Variants in CACNA1C observed in about 807,000 individuals in gnomAD.
The protein encoded by CACNA1C is voltage-dependent L-type calcium channel subunit alpha-1C.
In CACNA1C, 30 loss-of-function variants were observed where a neutral mutation model predicts 229.0. The ratio of observed to expected loss-of-function variants is 0.13; its 90% CI spans 0.10 to 0.18. The LOEUF (loss-of-function observed/expected upper bound fraction) is 0.18, where lower values mean the gene tolerates loss of function less well. CACNA1C is among the 10% of genes least tolerant of loss of function. The probability of loss-of-function intolerance (pLI) is 1.00; values close to 1 mark genes in which losing one functional copy is unlikely to be tolerated. For missense variants in CACNA1C, 1,658 were observed against 2,845.0 expected (o/e 0.58, Z 9.49); for synonymous variants, 1,114 against 1,132.5 (o/e 0.98, Z 0.33).
rs1315466282 is a variant in CACNA1C, at chr12:2,054,040, C to G, written c.49+429C>G. ...GCCCGGCTCGGGGCGCGGCTGGGAG[C>G]GCGCGCGCGCGCACCCTGCGCCGGC... On this transcript the variant is annotated intron_variant, in intron 1 of 46. Coordinates refer to ENST00000399655, the MANE Select transcript of CACNA1C (RefSeq NM_000719.7). This position sits in a 1 kb window ranked among gnomAD's most constrained non-coding sequence, Gnocchi z 5.5. 6.8e-6 allele frequency among the ~76,000 whole-genome samples: 1 copy of G among 146,502 alleles called. No homozygotes were observed. Among genetic ancestry groups the G allele is most frequent in the Non-Finnish European group, 1.5e-5 (1 of 65,920 alleles).
At chr12:2,547,561 G>A (rs2099883830) in intron 9 of CACNA1C, 1 of 777,796 alleles carries the variant, frequency 1.3e-6, no homozygotes, top group Admixed American at 1.7e-5. Flanking sequence ...GTAAATGCGT[G>A]TGGGTGCATA....
At chr12:2,480,252 C>A (rs2099669402) in intron 5 of CACNA1C, among the ~76,000 whole-genome samples, 3 of 152,122 alleles carry the variant, frequency 2.0e-5, no homozygotes, top group Admixed American at 2.0e-4. Context: ...GGCTACGTCG[C>A]AGTCTGGACC....
rs148373851 is a variant in CACNA1C, at chr12:2,474,584, G to A, written c.758-11520G>A. 9.1e-3 allele frequency among the ~76,000 whole-genome samples: 1,388 copies of A among 151,828 alleles called. 18 individuals are homozygous for A. The highest frequency in any genetic ancestry group is 0.031 in the African/African-American group (1,266 of 41,396). On this transcript the variant is annotated intron_variant, in intron 5 of 46. Transcript: ENST00000399655. Reference sequence around the variant, plus strand: ...AGCCTGGCCAACATGGCGAAACCCCGTCTCTACTAAAAATACAAAAACTTA... The same window carrying A: ...AGCCTGGCCAACATGGCGAAACCCCATCTCTACTAAAAATACAAAAACTTA...
intron 26 of CACNA1C, 78 bp downstream of exon 26, chr12:2,607,208 T>A: frequency 6.8e-7 from 1 of 1,465,088 alleles, no homozygotes; most frequent in Non-Finnish European, 9.3e-7. Flanking sequence ...CCCCAAGTTT[T>A]GTTAATGTCC....
At chr12:2,472,010 A>G (rs1444454233) in intron 5 of CACNA1C, among the ~76,000 whole-genome samples, 1 of 152,184 alleles carries the variant, frequency 6.6e-6, no homozygotes, top group Non-Finnish European at 1.5e-5. Flanking sequence ...CCTGCACATA[A>G]TGTTTCTTCC....
chr12:2,509,129 T>C (rs1341466206), intron 8 of CACNA1C, among the ~76,000 whole-genome samples: 2 of 152,170 alleles, frequency 1.3e-5, no homozygotes, highest in African/African-American at 4.8e-5. Context: ...CACTGGGAGA[T>C]GGGCATGTCT....
At chr12:2,001,808 A>G (rs1017717414) in intron 1 of CACNA1C, among the ~76,000 whole-genome samples, 1 of 152,206 alleles carries the variant, frequency 6.6e-6, no homozygotes, top group Non-Finnish European at 1.5e-5. Flanking sequence ...TTTCAGGCTC[A>G]GCATTCCCTG....
intron 3 of CACNA1C, among the ~76,000 whole-genome samples, chr12:2,272,420 C>G (rs2085482408): frequency 6.6e-6 from 1 of 152,220 alleles, no homozygotes; most frequent in Non-Finnish European, 1.5e-5. Context: ...CGGCTGGTGT[C>G]TGCCTCGTAT....
chr12:2,606,897 T>C, intron 25 of CACNA1C, 87 bp from the exon 26 acceptor site: 1 of 1,481,026 alleles, frequency 6.8e-7, no homozygotes, highest in South Asian at 1.2e-5. Context: ...GGCAGTCCCA[T>C]CCCACCCAGC....
intron 9 of CACNA1C, among the ~76,000 whole-genome samples, chr12:2,549,186 G>A (rs1490260663): frequency 6.6e-6 from 1 of 152,222 alleles, no homozygotes; most frequent in Non-Finnish European, 1.5e-5. Flanking sequence ...TGAATTAAAC[G>A]GCTTATATCC....
intron 4 of CACNA1C, among the ~76,000 whole-genome samples, chr12:2,456,750 C>G (rs921873405): frequency 6.6e-6 from 1 of 152,192 alleles, no homozygotes; most frequent in Non-Finnish European, 1.5e-5. Flanking sequence ...CAGAGCCCCT[C>G]CCCGCTCCTC....
intron 3 of CACNA1C, among the ~76,000 whole-genome samples, chr12:2,297,641 A>T (rs768426242): frequency 1.3e-5 from 2 of 152,228 alleles, no homozygotes; most frequent in Non-Finnish European, 2.9e-5. Flanking sequence ...TGATACTGTG[A>T]CATCGAAAGC....
rs537612022 is a variant in CACNA1C, at chr12:1,979,305, C to T, written c.139+8104C>T. On this transcript the variant is annotated intron_variant, in intron 1 of 46. Transcript: ENST00000682462. ...TTGGGATTACAAGCGTGAGCCACAGCGCCTGGATTTTTTGTTTGTTTGTCT... is the reference window on the plus strand; with the variant it reads ...TTGGGATTACAAGCGTGAGCCACAGTGCCTGGATTTTTTGTTTGTTTGTCT... Among the ~76,000 whole-genome samples, 31 of 146,322 alleles carry T rather than the reference C, an allele frequency of 2.1e-4. 1 individual carries two copies. The highest frequency in any genetic ancestry group is 6.9e-4 in the African/African-American group (27 of 39,274).
chr12:2,021,103 C>T (rs2046366914), intron 1 of CACNA1C, among the ~76,000 whole-genome samples: 1 of 152,202 alleles, frequency 6.6e-6, no homozygotes. Context: ...CACTAATTAT[C>T]ACTCAGTACA....
At chr12:2,322,110 G>A (rs990305265) in intron 3 of CACNA1C, among the ~76,000 whole-genome samples, 2 of 152,214 alleles carry the variant, frequency 1.3e-5, no homozygotes, top group African/African-American at 4.8e-5. Context: ...CAATTGAGTT[G>A]CTTCACACTT....
At chr12:2,248,780 C>G (rs1022642359) in intron 3 of CACNA1C, among the ~76,000 whole-genome samples, 2 of 152,208 alleles carry the variant, frequency 1.3e-5, no homozygotes, top group African/African-American at 4.8e-5. Flanking sequence ...CAATGCCAAC[C>G]TTGGCGGTGA....
intron 1 of CACNA1C, among the ~76,000 whole-genome samples, chr12:2,043,676 T>G: frequency 8.0e-6 from 1 of 124,258 alleles, no homozygotes; most frequent in African/African-American, 3.2e-5. Context: ...TGAGACAGAG[T>G]CTCGCTCTGT....
rs374862811 is a variant in CACNA1C at position 2,506,402 on chromosome 12, G to A, written c.1217+1457G>A. Among the ~76,000 whole-genome samples the A allele has an allele frequency of 5.3e-4, 81 of 152,278 alleles. No individual in the cohort carries two copies. In the South Asian group the frequency reaches 0.016, roughly 30 times the overall value. On this transcript the variant is annotated intron_variant, in intron 8 of 46. Transcript: ENST00000399655. ...CTGCCCTTGCTGGGTACATAATGTT[G>A]GGTGGTTTCACCTTTTTAAATCTTA...
chr12:2,136,048 C>T (rs1014125540), intron 3 of CACNA1C, among the ~76,000 whole-genome samples: 4 of 150,812 alleles, frequency 2.7e-5, no homozygotes, highest in Admixed American at 6.7e-5. Flanking sequence ...GCGCAATATT[C>T]GGGTGGGAGT....
Sources: gnomAD v4.1 joint callset for allele counts (sites outside exome capture counted in the v4.1 genomes callset) on GRCh38, gnomAD v4.1.1 for gene constraint, Gnocchi (gnomAD v3.1) non-coding constraint, MANE v1.5 for transcripts, NCBI Gene and HGNC (gene_info 2026-07-23, HGNC 2026-07-21) for gene names.